The following RELB variants were observed in gnomAD, a reference collection of about 807,000 sequenced individuals.
The protein encoded by RELB is transcription factor RelB.
RELB carries 14 observed loss-of-function variants against 55.4 expected under a neutral mutation model. The ratio of observed to expected loss-of-function variants is 0.25; its 90% CI spans 0.17 to 0.40. The LOEUF (loss-of-function observed/expected upper bound fraction) is 0.40. RELB is among the 10% of genes least tolerant of loss of function. RELB has a pLI of 1.00. For missense variants in RELB, 669 were observed against 830.7 expected, an observed-to-expected ratio of 0.81 and a Z score of 2.39; for synonymous variants, 409 against 371.3, an observed-to-expected ratio of 1.10 and a Z score of -1.17.
chr19:45,026,066 A>G (rs1971555050), intron 7 of RELB, among the ~76,000 whole-genome samples: 1 of 152,194 alleles, frequency 6.6e-6, no homozygotes. Flanking sequence ...CAACATGCCA[A>G]AACCCTGTCT....
chr19:45,011,076 T>C (rs920352347), intron 3 of RELB, among the ~76,000 whole-genome samples: 9 of 152,196 alleles, frequency 5.9e-5, no homozygotes, highest in African/African-American at 2.2e-4. Context: ...GGTCTCAAAC[T>C]CCTGACCTCA....
chr19:45,026,541 C>T (rs919612066), intron 7 of RELB, among the ~76,000 whole-genome samples: 3 of 113,742 alleles, frequency 2.6e-5, no homozygotes, highest in Non-Finnish European at 5.9e-5. Context: ...GGGACTCCGT[C>T]TCAAAAAACA....
chr19:45,037,496 T>C lies in RELB; in HGVS notation c.1446T>C (p.Pro482=), dbSNP rs2122503622. The C allele has an allele frequency of 1.2e-6, 2 of 1,612,760 alleles. No individual in the cohort carries two copies. The highest frequency in any genetic ancestry group is 1.1e-5 in the South Asian group (1 of 91,064). ...SLPGLEPPGG[P]DLLDDGFAYD... ...CCGGCCTGGAGCCCCCTGGCGGGCC[T>C]GACCTCCTGGACGATGGCTTTGCCT... Residue 482 remains proline (P), a synonymous_variant, in exon 12 of 12, where the codon CCT becomes CCC. Transcript: ENST00000221452.
chr19:45,025,221 C>A (rs1385471185), intron 5 of RELB, 108 bp from the exon 6 acceptor site: 3 of 752,118 alleles, frequency 4.0e-6, no homozygotes, highest in Non-Finnish European at 6.9e-6. Flanking sequence ...GGATGTCAGC[C>A]CCTGAGAGCC....
chr19:45,009,526 G>T (rs1415216411), intron 2 of RELB, among the ~76,000 whole-genome samples: 2 of 152,172 alleles, frequency 1.3e-5, no homozygotes, highest in African/African-American at 4.8e-5. Context: ...TTCCCAAAAA[G>T]ACTTCATAAT....
At chr19:45,033,278 A>G (rs561363372) in intron 9 of RELB, among the ~76,000 whole-genome samples, 1 of 152,290 alleles carries the variant, frequency 6.6e-6, no homozygotes, top group African/African-American at 2.4e-5. Flanking sequence ...TAAGCAGGGA[A>G]GTTTTCTAGG....
At position 45,001,609 on chromosome 19, in the gene RELB, G is replaced by T; in HGVS notation, c.30G>T (p.Pro10=). MLRSGPASG[P]SVPTGRAMPS... ...TTCGGTCTGGGCCAGCCTCTGGGCCGTCCGTCCCCACTGGCCGGGCCATGC... is the reference window on the plus strand; with the variant it reads ...TTCGGTCTGGGCCAGCCTCTGGGCCTTCCGTCCCCACTGGCCGGGCCATGC... The change falls in exon 1 of 12, where the codon CCG becomes CCT. Residue 10 remains proline (P), a synonymous_variant. Coordinates refer to ENST00000221452, the MANE Select transcript of RELB (RefSeq NM_006509.4). 6.6e-7 allele frequency: 1 copy of T among 1,515,062 alleles called. No homozygotes were observed. Among genetic ancestry groups the T allele is most frequent in the Non-Finnish European group, 8.8e-7 (1 of 1,138,074 alleles). 93.9% of individuals were successfully genotyped at this position (1,515,062 alleles called of 1,614,324 possible). A position where few individuals can be genotyped will look rare whatever the true frequency, so the allele number is the denominator to read the frequency against.
chr19:45,033,774 C>T (rs999438830), intron 9 of RELB, among the ~76,000 whole-genome samples: 2 of 151,100 alleles, frequency 1.3e-5, no homozygotes, highest in African/African-American at 2.4e-5. Context: ...GACTCCTGAC[C>T]TCAGGTGATC....
chr19:45,031,828 G>A (rs982876280), intron 8 of RELB, among the ~76,000 whole-genome samples: 7 of 149,656 alleles, frequency 4.7e-5, no homozygotes, highest in East Asian at 2.0e-4. Context: ...CGCCTGCCTC[G>A]GCCTCCCAAA....
chr19:45,004,863 G>A (rs539035904), intron 2 of RELB, among the ~76,000 whole-genome samples: 2 of 149,188 alleles, frequency 1.3e-5, no homozygotes, highest in Non-Finnish European at 3.0e-5. Context: ...GTGAAACTCC[G>A]TCTCAAACAA....
rs1023077568 is a variant in RELB at position 45,012,161 on chromosome 19, C to T, written c.389C>T (p.Thr130Met). 9 of 1,562,404 alleles carry T rather than the reference C, an allele frequency of 5.8e-6. No homozygotes were observed. Among genetic ancestry groups the T allele is most frequent in the South Asian group, 4.7e-5 (4 of 85,378 alleles). The change falls in exon 4 of 12, where the codon ACG (threonine) becomes ATG (methionine). Residue 130 changes from threonine to methionine, a missense_variant. Transcript: ENST00000221452. The part of the protein sequence containing the change: ...GPGPQPHLVI[T>M]EQPKQRGMRF... ...GGCCCGCAGCCGCACCTGGTCATCA[C>T]GGAGCAGCCCAAGCAGCGCGGCATG...
At chr19:45,003,106 C>T (rs1195259730) in intron 2 of RELB, 110 bp downstream of exon 2, 6 of 1,058,310 alleles carry the variant, frequency 5.7e-6, no homozygotes, top group East Asian at 2.6e-5. Context: ...TCAGCTTTCT[C>T]CTGACAGGGT....
At chr19:45,011,028 T>C (rs1011878082) in intron 3 of RELB, among the ~76,000 whole-genome samples, 1 of 152,050 alleles carries the variant, frequency 6.6e-6, no homozygotes, top group African/African-American at 2.4e-5. Context: ...ATTTTTATAT[T>C]TTTAGTGGAG....
rs141455481 is a variant in RELB at position 45,029,528 on chromosome 19, C to T, written c.991+536C>T. 2.0e-4 allele frequency among the ~76,000 whole-genome samples: 30 copies of T among 151,808 alleles called. No homozygotes were observed. The East Asian group carries it at 5.5e-3, about 28-fold the overall frequency. The stretch of plus-strand genomic sequence containing the variant: ...AGGAGTTCGAGACCAGCCTGGGCAA[C>T]ATGGTGAAAACCCATATCTACTAAA... On this transcript the variant is annotated intron_variant, in intron 8 of 11. Transcript: ENST00000221452.
intron 9 of RELB, among the ~76,000 whole-genome samples, chr19:45,033,507 A>G (rs1232349003): frequency 6.6e-6 from 1 of 151,382 alleles, no homozygotes; most frequent in Admixed American, 6.6e-5. Flanking sequence ...CAACATGGCG[A>G]AACCCCGTCT....
intron 4 of RELB, among the ~76,000 whole-genome samples, chr19:45,017,663 C>CTT (rs773366193): frequency 4.1e-4 from 55 of 135,394 alleles, no homozygotes; most frequent in African/African-American, 1.3e-3. Flanking sequence ...GTTATTATTC[C>CTT]TTTTTTTTTT....
At chr19:45,004,859 C>T (rs1195949749) in intron 2 of RELB, among the ~76,000 whole-genome samples, 2 of 151,282 alleles carry the variant, frequency 1.3e-5, no homozygotes, top group African/African-American at 4.9e-5. Context: ...AAGAGTGAAA[C>T]TCCGTCTCAA....
In RELB at chr19:45,022,046, C is replaced by T. The variant is rs762165224; in HGVS notation, c.505-7C>T. On this transcript the variant is annotated splice_region_variant and splice_polypyrimidine_tract_variant and intron_variant, in intron 4 of 11. Coordinates refer to ENST00000221452, the MANE Select transcript of RELB (RefSeq NM_006509.4). ...GGGACCCCCAAAGAGGACTTCTCTT[C>T]CTGCAGCTCCGGGATTGTGGAGGGC... The T allele has an allele frequency of 1.2e-6, 2 of 1,604,048 alleles. No homozygotes were observed. Among genetic ancestry groups the T allele is most frequent in the East Asian group, 2.2e-5 (1 of 44,654 alleles).
chr19:45,016,612 T>G (rs1349305097), intron 4 of RELB, among the ~76,000 whole-genome samples: 1 of 152,064 alleles, frequency 6.6e-6, no homozygotes, highest in Non-Finnish European at 1.5e-5. Context: ...ATTACAGTTA[T>G]GGGAAACTCC....
Sources: allele counts gnomAD v4.1 joint callset (sites outside exome capture counted in the v4.1 genomes callset), GRCh38; gene constraint gnomAD v4.1.1; transcripts MANE v1.5; gene names NCBI Gene and HGNC (gene_info 2026-07-23, HGNC 2026-07-21).